SAXO1: variants seen among roughly 807,000 people sequenced by gnomAD.
The protein encoded by SAXO1 is 4930500O09Rik.
Under a neutral mutation model 17.5 loss-of-function variants are expected in SAXO1, and 21 were observed. The observed-to-expected ratio is 1.20, with a 90% CI of 0.85 to 1.72. The LOEUF (loss-of-function observed/expected upper bound fraction) is 1.72. Ranked by LOEUF, SAXO1 falls within the 40% of genes most tolerant of loss-of-function variation. SAXO1 has a pLI of 0.00. For synonymous variants in SAXO1, 274 were observed against 216.5 expected, an observed-to-expected ratio of 1.27 and a Z score of -2.33; for missense variants, 843 against 596.0, an observed-to-expected ratio of 1.41 and a Z score of -4.32.
chr9:18,999,832 G>T (rs1588506280), intron 1 of SAXO1, among the ~76,000 whole-genome samples: 1 of 146,678 alleles, frequency 6.8e-6, no homozygotes, highest in Admixed American at 6.7e-5. Context: ...GGGAAGTGAG[G>T]AGCGCCTCTG....
At chr9:18,974,162 A>C (rs764333704) in intron 1 of SAXO1, among the ~76,000 whole-genome samples, 58 of 152,232 alleles carry the variant, frequency 3.8e-4, no homozygotes, top group Admixed American at 3.1e-3. Context: ...TATGTTTTAC[A>C]AACCAGTAAA....
At chr9:19,038,184 T>A (rs939423702), upstream of SAXO1, among the ~76,000 whole-genome samples, 5 of 152,226 alleles carry the variant, frequency 3.3e-5, no homozygotes, top group African/African-American at 9.6e-5. Flanking sequence ...TCAACCATTG[T>A]GGAAGGCAGT....
rs1177121380 is a variant in SAXO1 at position 18,941,825 on chromosome 9, G to A, written c.233C>T (p.Pro78Leu). The change falls in exon 3 of 4, where the codon CCT (proline) becomes CTT (leucine). Residue 78 changes from proline (P) to leucine (L), a missense_variant. Pro to Leu is a moderately conservative substitution (Grantham distance 98, BLOSUM62 -3). Coordinates refer to ENST00000380534, the MANE Select transcript of SAXO1 (RefSeq NM_153707.4). ...GACCTTCACTGGTGCCACTTTGTGAGGCCCAAAATCTCTCCTGTAAGGAAG... is the reference window on the plus strand; with the variant it reads ...GACCTTCACTGGTGCCACTTTGTGAAGCCCAAAATCTCTCCTGTAAGGAAG... ...GLTTSRRDFGPHKVAPVKVHQ... is the reference protein window; with the variant it reads ...GLTTSRRDFGLHKVAPVKVHQ... 2 of 1,614,002 alleles carry A rather than the reference G, an allele frequency of 1.2e-6. No homozygotes were observed. The highest frequency in any genetic ancestry group is 4.5e-5 in the East Asian group (2 of 44,900).
chr9:19,018,619 C>G (rs940233193), intron 1 of SAXO1, among the ~76,000 whole-genome samples: 1 of 152,202 alleles, frequency 6.6e-6, no homozygotes, highest in African/African-American at 2.4e-5. Flanking sequence ...TTAACATGAA[C>G]TGCTACATGC....
chr9:18,968,586 GT>G lies in SAXO1; in HGVS notation c.39-17650del, dbSNP rs576725106. On this transcript the variant is annotated intron_variant, in intron 1 of 3. Transcript: ENST00000380534. ...ATAGTGGCATCATGGTTAAGAAAAT[GT>G]CCCCCTTTTTGTTTTTTTTTTTTGA... Among the ~76,000 whole-genome samples, 278 of 117,300 alleles carry G rather than the reference GT, an allele frequency of 2.4e-3. 1 individual carries two copies. Among genetic ancestry groups the G allele is most frequent in the African/African-American group, 7.9e-3 (260 of 32,910 alleles). 77.0% of individuals were successfully genotyped at this position (117,300 alleles called of 152,430 possible).
intron 1 of SAXO1, among the ~76,000 whole-genome samples, chr9:19,010,480 A>C (rs1410462365): frequency 6.7e-6 from 1 of 149,556 alleles, no homozygotes; most frequent in African/African-American, 2.4e-5. Flanking sequence ...ATTTCTAGGA[A>C]AAAAAAAAAA....
chr9:18,946,486 C>A (rs2131717032), intron 2 of SAXO1, among the ~76,000 whole-genome samples: 1 of 151,848 alleles, frequency 6.6e-6, no homozygotes, highest in South Asian at 2.1e-4. Flanking sequence ...GAGCGGCCAC[C>A]CAAGACACAG....
chr9:19,023,077 G>A (rs532867706), intron 1 of SAXO1, among the ~76,000 whole-genome samples: 1 of 152,228 alleles, frequency 6.6e-6, no homozygotes, highest in East Asian at 1.9e-4. Flanking sequence ...AGGAGTAGAT[G>A]AAGTCTTTGC....
At chr9:18,960,336 A>G (rs7024953) in intron 1 of SAXO1, among the ~76,000 whole-genome samples, 23,548 of 152,058 alleles carry the variant, frequency 0.15, 3,858 homozygotes, top group African/African-American at 0.42. Flanking sequence ...GGGAAGGAAG[A>G]TACCACTCTG....
At chr9:19,021,464 G>A (rs752096298) in intron 1 of SAXO1, among the ~76,000 whole-genome samples, 10 of 152,220 alleles carry the variant, frequency 6.6e-5, no homozygotes, top group South Asian at 6.2e-4. Flanking sequence ...TCTTGAGGTC[G>A]CCAGCAGAGG....
Position 19,032,979 on chromosome 9 carries a change from A to G in SAXO1, c.-71T>C. On this transcript the variant is annotated 5_prime_UTR_variant, in exon 1 of 4. Transcript: ENST00000380534. ...TGCAGCCGACTCCTAGACCCCAACCACCTGTCTTGGGGCACGCCCAGGCTC... is the reference window on the plus strand; with the variant it reads ...TGCAGCCGACTCCTAGACCCCAACCGCCTGTCTTGGGGCACGCCCAGGCTC... 6.7e-7 allele frequency: 1 copy of G among 1,494,696 alleles called. No individual in the cohort carries two copies. Among genetic ancestry groups the G allele is most frequent in the Non-Finnish European group, 9.1e-7 (1 of 1,104,174 alleles). 92.6% of individuals were successfully genotyped at this position (1,494,696 alleles called of 1,614,324 possible). A position where few individuals can be genotyped will look rare whatever the true frequency, so the allele number is the denominator to read the frequency against.
At chr9:19,026,939 G>A in intron 1 of SAXO1, 4 of 851,734 alleles carry the variant, frequency 4.7e-6, no homozygotes, top group South Asian at 3.9e-5. Flanking sequence ...CTGGGGTGGA[G>A]GTGCTCAACA....
intron 1 of SAXO1, among the ~76,000 whole-genome samples, chr9:18,996,166 G>C (rs1384541384): frequency 6.6e-6 from 1 of 151,736 alleles, no homozygotes; most frequent in Non-Finnish European, 1.5e-5. Flanking sequence ...CCCCAAATAA[G>C]TATCATCCAT....
rs570421473 is a variant in SAXO1 at position 18,938,046 on chromosome 9, C to T, written c.421+3591G>A. Among the ~76,000 whole-genome samples the T allele has an allele frequency of 2.0e-4, 31 of 152,278 alleles. 1 individual carries two copies. In the South Asian group the frequency reaches 6.4e-3, roughly 32 times the overall value. Reference sequence around the variant, plus strand: ...AAACTATGAACTCCAACCTCAAATGCACATGTTCCAAGAACAAAAACCCTG... The same window carrying T: ...AAACTATGAACTCCAACCTCAAATGTACATGTTCCAAGAACAAAAACCCTG... On this transcript the variant is annotated intron_variant, in intron 3 of 3. Transcript: ENST00000380534.
Position 18,928,130 on chromosome 9 carries a change from T to C in SAXO1, c.1347A>G (p.Ala449=). 1 of 1,614,216 alleles carries C rather than the reference T, an allele frequency of 6.2e-7. No individual in the cohort carries two copies. The highest frequency in any genetic ancestry group is 8.5e-7 in the Non-Finnish European group (1 of 1,180,022). The change falls in exon 4 of 4, where the codon GCA becomes GCG. Residue 449 remains alanine, a synonymous_variant. Coordinates refer to ENST00000380534, the MANE Select transcript of SAXO1 (RefSeq NM_153707.4). ...GHRIYKPVSQ[A]GSQQSSHLSV... is the part of the protein sequence containing the mutation. ...AAAGATGGCTGCTCTGCTGAGAGCC[T>C]GCCTGGGAAACTGGTTTGTATATCC...
chr9:19,024,384 C>G (rs1380750691), intron 1 of SAXO1, among the ~76,000 whole-genome samples: 1 of 151,334 alleles, frequency 6.6e-6, no homozygotes, highest in African/African-American at 2.4e-5. Context: ...TAGGTGGGAA[C>G]TGAACAATGA....
intron 1 of SAXO1, among the ~76,000 whole-genome samples, chr9:18,993,470 C>T (rs546111791): frequency 3.3e-5 from 5 of 152,336 alleles, no homozygotes; most frequent in African/African-American, 1.2e-4. Context: ...AGTCAGCTTT[C>T]CTTCTTATGG....
At chr9:19,019,255 T>TAAA (rs1453995545) in intron 1 of SAXO1, among the ~76,000 whole-genome samples, 1 of 152,228 alleles carries the variant, frequency 6.6e-6, no homozygotes, top group Non-Finnish European at 1.5e-5. Flanking sequence ...ATAAATGCTC[T>TAAA]TCTTTGCTGA....
intron 1 of SAXO1, among the ~76,000 whole-genome samples, chr9:18,985,388 T>G (rs1833551199): frequency 6.6e-6 from 1 of 152,044 alleles, no homozygotes; most frequent in African/African-American, 2.4e-5. Context: ...CAACACAGGG[T>G]TACCACAAAC....
Sources: gnomAD v4.1 joint callset for allele counts (sites outside exome capture counted in the v4.1 genomes callset) on GRCh38, gnomAD v4.1.1 for gene constraint, MANE v1.5 for transcripts, NCBI Gene and HGNC (gene_info 2026-07-23, HGNC 2026-07-21) for gene names.